Variants in NUB1 observed in about 807,000 individuals in gnomAD.
The protein encoded by NUB1 is NEDD8 ultimate buster 1.
NUB1 carries 41 observed loss-of-function variants against 77.1 expected under a neutral mutation model. The observed-to-expected ratio is 0.53, with a 90% CI of 0.41 to 0.69. The LOEUF (loss-of-function observed/expected upper bound fraction) is 0.69. Ranked by LOEUF, NUB1 falls within the 30% of genes least tolerant of loss-of-function variation. The probability of loss-of-function intolerance (pLI) is 0.00; values close to 1 mark genes in which losing one functional copy is unlikely to be tolerated. For synonymous variants in NUB1, 257 were observed against 281.0 expected, an observed-to-expected ratio of 0.91 and a Z score of 0.85; for missense variants, 643 against 743.8, an observed-to-expected ratio of 0.86 and a Z score of 1.58.
Position 151,345,332 on chromosome 7 carries a change from A to G in NUB1, c.-2-16A>G. ...ATGCGATGTGGAGTTTTATTAATGT[A>G]TTGTTTTGCTTTCAGGGATGGCACA... On this transcript the variant is annotated splice_polypyrimidine_tract_variant and intron_variant, in intron 1 of 14. Transcript: ENST00000568733. 1 of 1,486,608 alleles carries G rather than the reference A, an allele frequency of 6.7e-7. No homozygotes were observed. Among genetic ancestry groups the G allele is most frequent in the Non-Finnish European group, 9.4e-7 (1 of 1,068,066 alleles). 92.1% of individuals were successfully genotyped at this position (1,486,608 alleles called of 1,614,324 possible).
rs1584927092 is a variant in NUB1 at position 151,341,979 on chromosome 7, C to A, written c.-3+133C>A. On this transcript the variant is annotated intron_variant, in intron 1 of 14. Coordinates refer to ENST00000568733, the MANE Select transcript of NUB1 (RefSeq NM_001243351.2). ...CGCGGGGCGGGGGTGAGCAGCCATG[C>A]GTGGAGCTGGGCCGGGGCCGGGGCC... 34 of 1,307,624 alleles carry A rather than the reference C, an allele frequency of 2.6e-5. No individual in the cohort carries two copies. In the East Asian group the frequency reaches 9.3e-4, roughly 36 times the overall value. The allele number at this position is 1,307,624 out of a possible 1,614,324, so 81.0% of individuals were successfully genotyped here.
chr7:151,371,860 A>G (rs1797973599), intron 11 of NUB1, among the ~76,000 whole-genome samples: 1 of 152,110 alleles, frequency 6.6e-6, no homozygotes, highest in Non-Finnish European at 1.5e-5. Flanking sequence ...CCTCCTGCCA[A>G]GAGCTCTCGG....
chr7:151,377,269 T>G lies in NUB1; in HGVS notation c.*44T>G. On this transcript the variant is annotated 3_prime_UTR_variant, in exon 15 of 15. Transcript: ENST00000568733. Reference sequence around the variant, plus strand: ...GCTAATTTTCTGCTTATAAATGCTATCATTATGAAAAGGCTAATGCAGCTC... The same window carrying G: ...GCTAATTTTCTGCTTATAAATGCTAGCATTATGAAAAGGCTAATGCAGCTC... 7.5e-7 allele frequency: 1 copy of G among 1,330,836 alleles called. No homozygotes were observed. Among genetic ancestry groups the G allele is most frequent in the Non-Finnish European group, 1.0e-6 (1 of 983,926 alleles). The allele number at this position is 1,330,836 out of a possible 1,614,324, so 82.4% of individuals were successfully genotyped here.
chr7:151,375,771 C>A, intron 12 of NUB1, 77 bp from the exon 13 acceptor site: 2 of 968,868 alleles, frequency 2.1e-6, no homozygotes, highest in Non-Finnish European at 3.3e-6. Context: ...CTGCCTAGCA[C>A]ATGGCAGGGT....
intron 5 of NUB1, among the ~76,000 whole-genome samples, chr7:151,353,533 C>T (rs961189538): frequency 4.6e-5 from 7 of 152,124 alleles, no homozygotes; most frequent in African/African-American, 7.2e-5. Context: ...TTGTCCAGTC[C>T]CAGATGTCAG....
rs781336673 is a variant in NUB1, at chr7:151,368,756, CTA to C, written c.1123_1124del (p.Ile375Ter). On this transcript the variant is annotated frameshift_variant, in exon 11 of 15. Coordinates refer to ENST00000568733, the MANE Select transcript of NUB1 (RefSeq NM_001243351.2). LOFTEE classifies it high-confidence loss of function. ...CTAGGCACGTCAGCTCTTTAAAGAG[CTA>C]TATATTGATCCATCAAAAGTGGACA... ...LNKARQLFKE[L>X]YIDPSKVDNL... 2 of 1,613,120 alleles carry C rather than the reference CTA, an allele frequency of 1.2e-6. No individual in the cohort carries two copies. Among genetic ancestry groups the C allele is most frequent in the South Asian group, 2.2e-5 (2 of 90,870 alleles).
At chr7:151,374,302 TC>T (rs1798104140) in intron 12 of NUB1, 59 bp downstream of exon 12, 1 of 1,533,296 alleles carries the variant, frequency 6.5e-7, no homozygotes, top group Non-Finnish European at 8.8e-7. Context: ...TGCCCAGAGC[TC>T]CCTCCATGGC....
Position 151,360,262 on chromosome 7 carries a change from A to G in NUB1, c.800+15A>G, listed in dbSNP as rs766835947. On this transcript the variant is annotated intron_variant, in intron 8 of 14. Coordinates refer to ENST00000568733, the MANE Select transcript of NUB1 (RefSeq NM_001243351.2). ...AAATATTTCTGGTAGGCGCTTTTGT[A>G]CTTGGTGAACACCAGCTTTAAGGAA... is the stretch of plus-strand genomic sequence containing the variant. 58 of 1,397,232 alleles carry G rather than the reference A, an allele frequency of 4.2e-5. No individual in the cohort carries two copies. Among genetic ancestry groups the G allele is most frequent in the Non-Finnish European group, 5.1e-5 (50 of 983,604 alleles). 86.6% of individuals were successfully genotyped at this position (1,397,232 alleles called of 1,614,324 possible).
chr7:151,359,908 G>T (rs573916372), intron 7 of NUB1, among the ~76,000 whole-genome samples: 2 of 152,230 alleles, frequency 1.3e-5, no homozygotes, highest in Non-Finnish European at 2.9e-5. Context: ...GAAAGCAAAG[G>T]GCCAAGTGCT....
At position 151,359,136 on chromosome 7, in the gene NUB1, A is replaced by G. The variant is rs149953605; in HGVS notation, c.694-1005A>G. On this transcript the variant is annotated intron_variant, in intron 7 of 14. Coordinates refer to ENST00000568733, the MANE Select transcript of NUB1 (RefSeq NM_001243351.2). ...GACAAACAACTTCTGAAAAAACTAG[A>G]TGATTAAGAATAGAAAGTGAGGCCG... 4.1e-4 allele frequency among the ~76,000 whole-genome samples: 62 copies of G among 151,390 alleles called. No homozygotes were observed. The East Asian group carries it at 0.011, about 27-fold the overall frequency.
In NUB1 at chr7:151,356,230, C is replaced by T. The variant is rs1407098249; in HGVS notation, c.693+8C>T. 1 of 1,592,100 alleles carries T rather than the reference C, an allele frequency of 6.3e-7. No homozygotes were observed. Among genetic ancestry groups the T allele is most frequent in the East Asian group, 2.2e-5 (1 of 44,768 alleles). ...CCCCCATCAGAAAGAAAAGTAAGTA[C>T]TATGAGAAATGTGTGGCCTGTTCTT... On this transcript the variant is annotated splice_region_variant and intron_variant, in intron 7 of 14. Transcript: ENST00000568733.
rs1034635272 is a variant in NUB1 at position 151,341,992 on chromosome 7, C to G, written c.-3+146C>G. 8.0e-6 allele frequency: 10 copies of G among 1,246,322 alleles called. No homozygotes were observed. The African/African-American group carries it at 1.4e-4, about 18-fold the overall frequency. The allele number at this position is 1,246,322 out of a possible 1,614,324, so 77.2% of individuals were successfully genotyped here. On this transcript the variant is annotated intron_variant, in intron 1 of 14. Transcript: ENST00000568733. Reference sequence around the variant, plus strand: ...TGAGCAGCCATGCGTGGAGCTGGGCCGGGGCCGGGGCCGGGGCCGGGAGCG... The same window carrying G: ...TGAGCAGCCATGCGTGGAGCTGGGCGGGGGCCGGGGCCGGGGCCGGGAGCG...
chr7:151,376,762 G>A lies in NUB1; in HGVS notation c.1620G>A (p.Ser540=), dbSNP rs556670832. The change falls in exon 14 of 15, where the codon TCG becomes TCA. Residue 540 remains serine, a synonymous_variant. Coordinates refer to ENST00000568733, the MANE Select transcript of NUB1 (RefSeq NM_001243351.2). ...GGSLPPELPL[S]PEDSLSPPAT... is the part of the protein sequence containing the mutation. ...GCCTGCCTCCCGAGCTGCCGCTGTC[G>A]CCAGAAGACTCTTTGTCCCCGCCAG... The A allele has an allele frequency of 6.5e-5, 104 of 1,594,954 alleles. No individual in the cohort carries two copies. Among genetic ancestry groups the A allele is most frequent in the Admixed American group, 4.1e-4 (23 of 56,596 alleles).
At chr7:151,354,279 C>T (rs1249376720) in intron 5 of NUB1, among the ~76,000 whole-genome samples, 1 of 148,036 alleles carries the variant, frequency 6.8e-6, no homozygotes, top group Non-Finnish European at 1.5e-5. Context: ...ATTACTGTGG[C>T]TTTGTTGCAG....
At chr7:151,361,507 C>T (rs910433782) in intron 8 of NUB1, among the ~76,000 whole-genome samples, 1 of 152,206 alleles carries the variant, frequency 6.6e-6, no homozygotes, top group Non-Finnish European at 1.5e-5. Context: ...CCTGGTTCCT[C>T]TTCATGGGAA....
chr7:151,344,979 G>A (rs146503718), intron 1 of NUB1, among the ~76,000 whole-genome samples: 2,954 of 152,176 alleles, frequency 0.019, 112 homozygotes, highest in African/African-American at 0.067. Flanking sequence ...CAGCCTGGGC[G>A]ACAGAGCGAG....
chr7:151,368,951 G>A, intron 11 of NUB1, 64 bp downstream of exon 11: 1 of 1,490,854 alleles, frequency 6.7e-7, no homozygotes, highest in Admixed American at 2.3e-5. Flanking sequence ...TAATCCCACA[G>A]GAGTGTTAAT....
At chr7:151,360,503 G>A (rs1045189076) in intron 8 of NUB1, 47 of 355,616 alleles carry the variant, frequency 1.3e-4, no homozygotes, top group Non-Finnish European at 4.5e-5. Flanking sequence ...GTTGCTAGTC[G>A]GAACTTTCCA....
chr7:151,360,073 A>G (rs893522869), intron 7 of NUB1, 68 bp from the exon 8 acceptor site: 26 of 697,700 alleles, frequency 3.7e-5, no homozygotes, highest in Non-Finnish European at 5.8e-5. Flanking sequence ...AAAAAGTAAT[A>G]TGCTTTTAAT....
Sources: gnomAD v4.1 joint callset for allele counts (sites outside exome capture counted in the v4.1 genomes callset) on GRCh38, gnomAD v4.1.1 for gene constraint, MANE v1.5 for transcripts, NCBI Gene and HGNC (gene_info 2026-07-23, HGNC 2026-07-21) for gene names.